The following OSBPL8 variants were observed in gnomAD, a reference collection of about 807,000 sequenced individuals.
The protein encoded by OSBPL8 is oxysterol-binding protein-related protein 8.
OSBPL8 carries 59 observed loss-of-function variants against 125.5 expected under a neutral mutation model. The observed-to-expected ratio is 0.47, with a 90% confidence interval of 0.38 to 0.58. OSBPL8 has a LOEUF of 0.58. Ranked by LOEUF, OSBPL8 falls within the 20% of genes least tolerant of loss-of-function variation. The pLI is 0.00. For missense variants in OSBPL8, 758 were observed against 1,047.8 expected, an observed-to-expected ratio of 0.72 and a Z score of 3.82; for synonymous variants, 330 against 338.9, an observed-to-expected ratio of 0.97 and a Z score of 0.29.
In OSBPL8 at chr12:76,459,220, A is replaced by T. The variant is rs148545552; in HGVS notation, c.79+639T>A. Among the ~76,000 whole-genome samples the T allele has an allele frequency of 3.0e-3, 464 of 152,310 alleles. 2 individuals carry two copies. Among genetic ancestry groups the T allele is most frequent in the Admixed American group, 4.8e-3 (74 of 15,296 alleles). Reference sequence around the variant, plus strand: ...CCTCAGCAATTCTATGATTTTTAATATAAAAATTGCCCCTCTTACTCCCTA... The same window carrying T: ...CCTCAGCAATTCTATGATTTTTAATTTAAAAATTGCCCCTCTTACTCCCTA... On this transcript the variant is annotated intron_variant, in intron 3 of 23. Transcript: ENST00000261183.
chr12:76,387,905 G>A (rs1483803663), intron 12 of OSBPL8, among the ~76,000 whole-genome samples: 2 of 152,044 alleles, frequency 1.3e-5, no homozygotes, highest in Non-Finnish European at 2.9e-5. Context: ...TTACTGCCCC[G>A]TCTCTCCACA....
intron 1 of OSBPL8, among the ~76,000 whole-genome samples, chr12:76,524,616 T>C (rs897737784): frequency 6.6e-6 from 1 of 151,962 alleles, no homozygotes; most frequent in Non-Finnish European, 1.5e-5. Flanking sequence ...CTGTGAAGTT[T>C]TTTTTGGCAA....
chr12:76,370,848 A>C (rs367650234), intron 19 of OSBPL8, among the ~76,000 whole-genome samples: 2 of 152,208 alleles, frequency 1.3e-5, no homozygotes, highest in East Asian at 3.8e-4. Flanking sequence ...CTAGCAAAAT[A>C]TCTCTTATAC....
chr12:76,408,679 A>G (rs993954203), intron 5 of OSBPL8, among the ~76,000 whole-genome samples: 2 of 152,088 alleles, frequency 1.3e-5, no homozygotes, highest in Admixed American at 6.5e-5. Context: ...TGTGACTAGT[A>G]TAACTGAGGA....
intron 23 of OSBPL8, 141 bp from the exon 24 acceptor site, chr12:76,356,162 T>TGGGGGGGGGGATGGGGGGGG: frequency 3.7e-5 from 5 of 136,870 alleles, no homozygotes; most frequent in Non-Finnish European, 7.4e-5. Context: ...TATGTAGGGG[T>TGGGGGGGGGGATGGGGGGGG]GGGGGGGGGC....
intron 4 of OSBPL8, among the ~76,000 whole-genome samples, chr12:76,450,105 C>T (rs1464787330): frequency 1.3e-5 from 2 of 152,100 alleles, no homozygotes; most frequent in African/African-American, 4.8e-5. Flanking sequence ...CAAAAACCGC[C>T]AAAAAGCAGT....
At chr12:76,410,473 A>G in intron 5 of OSBPL8, 91 bp downstream of exon 5, 2 of 936,508 alleles carry the variant, frequency 2.1e-6, no homozygotes, top group Non-Finnish European at 3.3e-6. Context: ...TAAAAACATC[A>G]CAAAAAAGCT....
At chr12:76,403,523 T>C (rs1462671839) in intron 5 of OSBPL8, among the ~76,000 whole-genome samples, 2 of 152,180 alleles carry the variant, frequency 1.3e-5, no homozygotes, top group African/African-American at 2.4e-5. Context: ...GGTTTCCTAA[T>C]GCAATGCTTG....
intron 8 of OSBPL8, among the ~76,000 whole-genome samples, chr12:76,396,860 G>T (rs1953827659): frequency 6.6e-6 from 1 of 152,078 alleles, no homozygotes; most frequent in Non-Finnish European, 1.5e-5. Context: ...TGCCCAGGCT[G>T]AAGTGCAGTG....
rs1339420122 is a variant in OSBPL8 at position 76,389,682 on chromosome 12, G to C, written c.1315C>G (p.Leu439Val). 3.1e-6 allele frequency: 5 copies of C among 1,599,810 alleles called. No homozygotes were observed. In the South Asian group the frequency reaches 4.5e-5, roughly 14 times the overall value. ...TCTGCATGATAGTAGTAATCTGAAAGTTTATCCAGGAAAGAACGGGGTTCC... is the reference window on the plus strand; with the variant it reads ...TCTGCATGATAGTAGTAATCTGAAACTTTATCCAGGAAAGAACGGGGTTCC... ...ILEPRSFLDK[L>V]SDYYYHADFL... The change falls in exon 12 of 24, where the codon CTT becomes GTT. Residue 439 changes from leucine to valine, a missense_variant. This residue lies in a region of OSBPL8 where 572 missense variants were observed against 762.0 expected (regional missense o/e 0.75). Coordinates refer to ENST00000261183, the MANE Select transcript of OSBPL8 (RefSeq NM_020841.5).
At chr12:76,394,551 C>T (rs1953712446) in intron 9 of OSBPL8, 94 bp downstream of exon 9, 3 of 880,444 alleles carry the variant, frequency 3.4e-6, no homozygotes, top group Admixed American at 2.8e-5. Context: ...AAATGCCATA[C>T]TAAAAATATA....
At chr12:76,483,768 G>A (rs1335707024) in intron 2 of OSBPL8, among the ~76,000 whole-genome samples, 1 of 126,282 alleles carries the variant, frequency 7.9e-6, no homozygotes, top group Non-Finnish European at 1.6e-5. Flanking sequence ...TCAGCCTCCC[G>A]ACTTCAGACA....
intron 23 of OSBPL8, 70 bp from the exon 24 acceptor site, chr12:76,356,091 A>G: frequency 8.3e-7 from 1 of 1,210,260 alleles, no homozygotes; most frequent in South Asian, 1.3e-5. Flanking sequence ...CCACAATTTG[A>G]TATTAAACAG....
intron 1 of OSBPL8, among the ~76,000 whole-genome samples, chr12:76,520,489 T>C (rs578054153): frequency 2.0e-5 from 3 of 152,228 alleles, no homozygotes; most frequent in African/African-American, 7.2e-5. Context: ...AACACACACA[T>C]GATTTATGAC....
intron 14 of OSBPL8, among the ~76,000 whole-genome samples, chr12:76,385,671 T>C (rs1953277982): frequency 6.6e-6 from 1 of 151,366 alleles, no homozygotes. Flanking sequence ...TAAGAAGAAA[T>C]ACTGGAGTGT....
intron 1 of OSBPL8, among the ~76,000 whole-genome samples, chr12:76,526,391 AT>A (rs61051149): frequency 0.039 from 5,983 of 152,062 alleles, 356 homozygotes; most frequent in African/African-American, 0.13. Context: ...GAATTTAATG[AT>A]TTTCCCCCAT....
chr12:76,390,630 T>C lies in OSBPL8; in HGVS notation c.957A>G (p.Gln319=), dbSNP rs752812629. 18 of 1,612,556 alleles carry C rather than the reference T, an allele frequency of 1.1e-5. No homozygotes were observed. The Admixed American group carries it at 1.5e-4, about 13-fold the overall frequency. The change falls in exon 11 of 24, where the codon CAA becomes CAG. Residue 319 remains glutamine, a synonymous_variant. Transcript: ENST00000261183. ...FQLNDSEIER[Q]HFKDQDMYSD... The stretch of plus-strand genomic sequence containing the variant: ...AATACATATCTTGGTCCTTAAAATG[T>C]TGTCGTTCAATTTCACTATCATTTA...
intron 4 of OSBPL8, among the ~76,000 whole-genome samples, chr12:76,431,681 T>C (rs751918128): frequency 2.3e-4 from 35 of 152,288 alleles, no homozygotes; most frequent in South Asian, 8.3e-4. Context: ...ATAAAATGGC[T>C]AATTCAATAG....
chr12:76,353,918 T>C lies in OSBPL8; in HGVS notation c.*1971A>G, dbSNP rs1429247213. The C allele has an allele frequency of 6.6e-6, 1 of 152,384 alleles. No individual in the cohort carries two copies. The highest frequency in any genetic ancestry group is 1.5e-5 in the Non-Finnish European group (1 of 67,818). The allele number at this position is 152,384 out of a possible 1,614,324, so 9.4% of individuals were successfully genotyped here. A position where few individuals can be genotyped will look rare whatever the true frequency, so the allele number is the denominator to read the frequency against. ...GAAGATACCCATACAAATAAAATAT[T>C]ATTTGGACCAAATGAAAACAACATA... is the stretch of plus-strand genomic sequence containing the variant. On this transcript the variant is annotated 3_prime_UTR_variant, in exon 24 of 24. Coordinates refer to ENST00000261183, the MANE Select transcript of OSBPL8 (RefSeq NM_020841.5).
Sources: allele counts gnomAD v4.1 joint callset (sites outside exome capture counted in the v4.1 genomes callset), GRCh38; gene constraint gnomAD v4.1.1; regional missense constraint gnomAD v4.1.1; transcripts MANE v1.5; gene names NCBI Gene and HGNC (gene_info 2026-07-23, HGNC 2026-07-21).